The following THSD7A variants were observed in gnomAD, a reference collection of about 807,000 sequenced individuals.
THSD7A encodes thrombospondin type-1 domain-containing protein 7A.
In THSD7A, 96 loss-of-function variants were observed where a neutral mutation model predicts 231.3. The ratio of observed to expected loss-of-function variants is 0.41; its 90% CI spans 0.35 to 0.49. THSD7A has a LOEUF of 0.49. Among genes scored for constraint, THSD7A ranks in the 20% least tolerant of loss-of-function variants. The pLI is 0.05. For missense variants in THSD7A, 2,290 were observed against 2,070.2 expected, an observed-to-expected ratio of 1.11 and a Z score of -2.06; for synonymous variants, 940 against 743.3, an observed-to-expected ratio of 1.26 and a Z score of -4.30.
At chr7:11,422,598 C>CAAAAAAAA (rs5882308) in intron 16 of THSD7A, among the ~76,000 whole-genome samples, 2 of 97,860 alleles carry the variant, frequency 2.0e-5, no homozygotes, top group African/African-American at 3.5e-5. Context: ...ATTTACAAAG[C>CAAAAAAAA]AAAAAAAAAA....
At chr7:11,441,828 C>T (rs896985167) in intron 13 of THSD7A, among the ~76,000 whole-genome samples, 12 of 151,464 alleles carry the variant, frequency 7.9e-5, no homozygotes, top group African/African-American at 1.9e-4. Context: ...TGGGGCCTGT[C>T]GGCAGGGGTC....
Position 11,831,314 on chromosome 7 carries a change from A to G in THSD7A, c.190+443T>C, listed in dbSNP as rs1465703880. Among the ~76,000 whole-genome samples, 1 of 152,216 alleles carries G rather than the reference A, an allele frequency of 6.6e-6. No homozygotes were observed. Among genetic ancestry groups the G allele is most frequent in the East Asian group, 1.9e-4 (1 of 5,192 alleles). On this transcript the variant is annotated intron_variant, in intron 1 of 27. Transcript: ENST00000423059. This position sits in a 1 kb window ranked among gnomAD's most constrained non-coding sequence, Gnocchi z 5.0. ...TTGGCTTGTTTCTGAGGTGTCCCACATATCACAAAGCTAAAGTTAACAAAT... is the reference window on the plus strand; with the variant it reads ...TTGGCTTGTTTCTGAGGTGTCCCACGTATCACAAAGCTAAAGTTAACAAAT...
At chr7:11,586,486 A>G (rs1779908999) in intron 4 of THSD7A, among the ~76,000 whole-genome samples, 1 of 152,214 alleles carries the variant, frequency 6.6e-6, no homozygotes, top group Admixed American at 6.5e-5. Context: ...ACTATCATGT[A>G]AAATATTCTT....
intron 6 of THSD7A, among the ~76,000 whole-genome samples, chr7:11,535,607 AT>A (rs1315860710): frequency 6.6e-6 from 1 of 151,736 alleles, no homozygotes; most frequent in African/African-American, 2.4e-5. Context: ...TTTCAAACAC[AT>A]TAGAAGACAT....
At chr7:11,443,244 C>G (rs6460817) in intron 13 of THSD7A, among the ~76,000 whole-genome samples, 2 of 151,964 alleles carry the variant, frequency 1.3e-5, no homozygotes, top group Non-Finnish European at 2.9e-5. Flanking sequence ...AAAATGTGAG[C>G]AAACACTTAT....
At position 11,417,142 on chromosome 7, in the gene THSD7A, C is replaced by T. The variant is rs116285967; in HGVS notation, c.3537+308G>A. ...CCTTTTACCTGGAGGGAATCATTAT[C>T]ACCACTGCAGTTTTTAACATGCTGT... On this transcript the variant is annotated intron_variant, in intron 17 of 27. Transcript: ENST00000423059. Among the ~76,000 whole-genome samples, 1,239 of 152,272 alleles carry T rather than the reference C, an allele frequency of 8.1e-3. 23 individuals carry two copies. The highest frequency in any genetic ancestry group is 0.029 in the African/African-American group (1,194 of 41,548).
At position 11,827,043 on chromosome 7, in the gene THSD7A, G is replaced by A. The variant is rs146808662; in HGVS notation, c.190+4714C>T. ...TTTAGAGACAGGATCTTGCTCTGTC[G>A]CCCAGGCTGGAGTACAATGGTGTAG... On this transcript the variant is annotated intron_variant, in intron 1 of 27. Coordinates refer to ENST00000423059, the MANE Select transcript of THSD7A (RefSeq NM_015204.3). 4.3e-3 allele frequency among the ~76,000 whole-genome samples: 648 copies of A among 151,392 alleles called. 3 individuals are homozygous for A. The highest frequency in any genetic ancestry group is 0.015 in the African/African-American group (604 of 41,270).
intron 6 of THSD7A, among the ~76,000 whole-genome samples, chr7:11,531,543 T>C (rs934185185): frequency 9.9e-5 from 15 of 152,202 alleles, no homozygotes; most frequent in African/African-American, 3.6e-4. Context: ...TTTCTACCTC[T>C]GGGTCTTGCA....
At chr7:11,447,813 A>C (rs1785021842) in intron 11 of THSD7A, among the ~76,000 whole-genome samples, 1 of 152,090 alleles carries the variant, frequency 6.6e-6, no homozygotes. Context: ...GTGTTTGGAG[A>C]GGGACTGGAA....
intron 6 of THSD7A, among the ~76,000 whole-genome samples, chr7:11,523,318 G>T (rs977734005): frequency 6.6e-6 from 1 of 151,916 alleles, no homozygotes; most frequent in African/African-American, 2.4e-5. Context: ...AGAGACACAG[G>T]CACTAGAAAT....
chr7:11,469,962 CT>C lies in THSD7A; in HGVS notation c.2284del (p.Arg762GlyfsTer13). 6.3e-7 allele frequency: 1 copy of C among 1,598,490 alleles called. No homozygotes were observed. The highest frequency in any genetic ancestry group is 8.5e-7 in the Non-Finnish European group (1 of 1,171,612). On this transcript the variant is annotated frameshift_variant, in exon 9 of 28. Coordinates refer to ENST00000423059, the MANE Select transcript of THSD7A (RefSeq NM_015204.3). LOFTEE classifies it high-confidence loss of function. ...CPESLRPETV[R>X]PCLLPCKKDC... is the part of the protein sequence containing the mutation. ...CTTCTTACAAGGAAGCAGACAAGGC[CT>C]TACAGTTTCAGGTCGAAGGCTTTCA... is the stretch of plus-strand genomic sequence containing the variant.
rs189856198 is a variant in THSD7A, at chr7:11,600,016, A to G, written c.1023-6514T>C. Among the ~76,000 whole-genome samples, 6 of 152,108 alleles carry G rather than the reference A, an allele frequency of 3.9e-5. No individual in the cohort carries two copies. In the East Asian group the frequency reaches 9.7e-4, roughly 25 times the overall value. On this transcript the variant is annotated intron_variant, in intron 2 of 27. Coordinates refer to ENST00000423059, the MANE Select transcript of THSD7A (RefSeq NM_015204.3). ...TCCTACCCTCGAACATCAGACTCCA[A>G]GTTTTTCAGTTTTGGGACTCGGACT...
At chr7:11,675,238 G>C (rs1783588657) in intron 1 of THSD7A, among the ~76,000 whole-genome samples, 1 of 152,144 alleles carries the variant, frequency 6.6e-6, no homozygotes, top group African/African-American at 2.4e-5. Context: ...ATTCGGCACA[G>C]ATACTATGCT....
At chr7:11,690,644 C>G (rs1780204684) in intron 1 of THSD7A, among the ~76,000 whole-genome samples, 1 of 151,646 alleles carries the variant, frequency 6.6e-6, no homozygotes, top group African/African-American at 2.4e-5. Flanking sequence ...CACCTTGAGC[C>G]CTTTGGCGGG....
In THSD7A at chr7:11,446,217, A is replaced by C; in HGVS notation, c.2908T>G (p.Ser970Ala). The change falls in exon 13 of 28, where the codon TCA becomes GCA. Residue 970 changes from serine to alanine, a missense_variant. Physicochemically the swap from Ser to Ala is moderately conservative, Grantham distance 99 (BLOSUM62 1). Coordinates refer to ENST00000423059, the MANE Select transcript of THSD7A (RefSeq NM_015204.3). This position sits in a 1 kb window ranked among gnomAD's most constrained non-coding sequence, Gnocchi z 4.0. ...TTTCCCTCTGGTAAAATACAGTCTG[A>C]CCAGTTCCCCACAGGTTGTGCATTA... ...KYNAQPVGNW[S>A]DCILPEGKVE... is the part of the protein sequence containing the mutation. 6.2e-7 allele frequency: 1 copy of C among 1,613,552 alleles called. No individual in the cohort carries two copies. Among genetic ancestry groups the C allele is most frequent in the Non-Finnish European group, 8.5e-7 (1 of 1,179,634 alleles).
In THSD7A at chr7:11,612,308, C is replaced by G. The variant is rs191911052; in HGVS notation, c.1023-18806G>C. Among the ~76,000 whole-genome samples, 550 of 152,340 alleles carry G rather than the reference C, an allele frequency of 3.6e-3. 5 individuals carry two copies. The highest frequency in any genetic ancestry group is 0.014 in the Middle Eastern group (4 of 294). The stretch of plus-strand genomic sequence containing the variant: ...CAAAGTAATCATCCCAGCTCTCACT[C>G]TCTAGGTTCCCAGAACTCAGGAGAT... On this transcript the variant is annotated intron_variant, in intron 2 of 27. Coordinates refer to ENST00000423059, the MANE Select transcript of THSD7A (RefSeq NM_015204.3).
chr7:11,387,351 A>G (rs966677876), intron 23 of THSD7A, among the ~76,000 whole-genome samples: 2 of 152,042 alleles, frequency 1.3e-5, no homozygotes, highest in Non-Finnish European at 2.9e-5. Context: ...TGATCATGGG[A>G]TGTTTTTCCA....
Position 11,407,070 on chromosome 7 carries a change from A to G in THSD7A, c.3917-15T>C. ...GATCATTTTTCCTTGAAGAGATACA[A>G]AGTGATGCACCTTTAATATATGTTA... On this transcript the variant is annotated splice_polypyrimidine_tract_variant and intron_variant, in intron 20 of 27. Transcript: ENST00000423059. 6.2e-7 allele frequency: 1 copy of G among 1,613,286 alleles called. No homozygotes were observed. The highest frequency in any genetic ancestry group is 2.2e-5 in the East Asian group (1 of 44,870).
intron 1 of THSD7A, among the ~76,000 whole-genome samples, chr7:11,712,012 C>A (rs549438609): frequency 6.6e-6 from 1 of 151,020 alleles, no homozygotes; most frequent in African/African-American, 2.4e-5. Flanking sequence ...TCAGCTGAAA[C>A]CTTCCTCCCA....
Sources: allele counts gnomAD v4.1 joint callset (sites outside exome capture counted in the v4.1 genomes callset), GRCh38; gene constraint gnomAD v4.1.1; non-coding constraint Gnocchi (gnomAD v3.1); transcripts MANE v1.5; gene names NCBI Gene and HGNC (gene_info 2026-07-23, HGNC 2026-07-21).